The following MIR2052HG variants were observed in gnomAD, a reference collection of about 807,000 sequenced individuals.
The protein encoded by MIR2052HG is MIR2052 host gene.
At chr8:74,719,916 C>T (rs1211030280) in intron 4 of MIR2052HG, among the ~76,000 whole-genome samples, 1 of 130,234 alleles carries the variant, frequency 7.7e-6, no homozygotes, top group Non-Finnish European at 1.5e-5. Context: ...GGCATGATCT[C>T]GGCTCACTGC....
At chr8:74,670,039 T>C (rs565998263) in intron 2 of MIR2052HG, among the ~76,000 whole-genome samples, 34 of 152,300 alleles carry the variant, frequency 2.2e-4, no homozygotes, top group African/African-American at 7.9e-4. Flanking sequence ...TGTCTTTCTC[T>C]ACCACGTGAG....
At chr8:74,707,385 T>C (rs1192229467) in intron 4 of MIR2052HG, among the ~76,000 whole-genome samples, 1 of 152,096 alleles carries the variant, frequency 6.6e-6, no homozygotes, top group Non-Finnish European at 1.5e-5. Context: ...ATAAAATACA[T>C]ACAAGCAATT....
At chr8:74,636,408 T>C (rs1808581261) in intron 2 of MIR2052HG, among the ~76,000 whole-genome samples, 1 of 152,180 alleles carries the variant, frequency 6.6e-6, no homozygotes, top group Non-Finnish European at 1.5e-5. Context: ...CTGAGTTAAC[T>C]AAGTTCCATA....
Position 74,669,703 on chromosome 8 carries a change from T to G in MIR2052HG, n.217-32676T>G, listed in dbSNP as rs1586909004. On this transcript the variant is annotated intron_variant and non_coding_transcript_variant, in intron 2 of 6. Transcript: ENST00000523442. ...TTTTTCATCCCAGGGCATCTGCAATTCCTGCTTCTTGGGAGGCTTCTCTCC... is the reference window on the plus strand; with the variant it reads ...TTTTTCATCCCAGGGCATCTGCAATGCCTGCTTCTTGGGAGGCTTCTCTCC... Among the ~76,000 whole-genome samples the G allele has an allele frequency of 2.0e-5, 3 of 152,158 alleles. No individual in the cohort carries two copies. In the East Asian group the frequency reaches 5.8e-4, roughly 29 times the overall value.
chr8:74,710,986 G>T (rs746111980), intron 4 of MIR2052HG, among the ~76,000 whole-genome samples: 3 of 152,168 alleles, frequency 2.0e-5, no homozygotes, highest in Non-Finnish European at 4.4e-5. Context: ...TGCTGTCATG[G>T]ACTGCCATCA....
chr8:74,652,091 A>G (rs935790729), intron 2 of MIR2052HG, among the ~76,000 whole-genome samples: 1 of 152,182 alleles, frequency 6.6e-6, no homozygotes. Flanking sequence ...CTCCAGCAAG[A>G]GTTATATCAA....
chr8:74,712,699 C>CT (rs1290512983), intron 4 of MIR2052HG, among the ~76,000 whole-genome samples: 2 of 90,504 alleles, frequency 2.2e-5, no homozygotes, highest in African/African-American at 1.3e-4. Context: ...GCTTTTTCTG[C>CT]CTTTTTTTTT....
intron 1 of MIR2052HG, chr8:74,603,519 A>G: frequency 6.5e-7 from 1 of 1,546,438 alleles, no homozygotes; most frequent in South Asian, 1.1e-5. Flanking sequence ...TAAGTTCATG[A>G]GAAGTAGTCT....
At chr8:74,698,716 G>A (rs1341998793) in intron 2 of MIR2052HG, among the ~76,000 whole-genome samples, 1 of 152,030 alleles carries the variant, frequency 6.6e-6, no homozygotes, top group Admixed American at 6.6e-5. Flanking sequence ...TCACTCATAA[G>A]TGAGAGCTGA....
intron 2 of MIR2052HG, among the ~76,000 whole-genome samples, chr8:74,687,099 G>T (rs1007442159): frequency 6.6e-6 from 1 of 152,146 alleles, no homozygotes; most frequent in African/African-American, 2.4e-5. Flanking sequence ...ATGAAAAGAT[G>T]TTCAACATCA....
chr8:74,614,455 A>C (rs1808247556), intron 2 of MIR2052HG, among the ~76,000 whole-genome samples: 1 of 152,086 alleles, frequency 6.6e-6, no homozygotes, highest in Non-Finnish European at 1.5e-5. Flanking sequence ...TGGTGCTTTT[A>C]AATTCTCAAC....
chr8:74,736,448 A>C (rs1809745503), intron 4 of MIR2052HG, among the ~76,000 whole-genome samples: 1 of 152,160 alleles, frequency 6.6e-6, no homozygotes, highest in Admixed American at 6.5e-5. Flanking sequence ...GTAGGGAAAA[A>C]ATTTGTGCAA....
chr8:74,732,738 C>G (rs542625354), intron 4 of MIR2052HG, among the ~76,000 whole-genome samples: 1 of 152,116 alleles, frequency 6.6e-6, no homozygotes, highest in East Asian at 1.9e-4. Flanking sequence ...TGCCATGTGA[C>G]TATCAAGGGA....
At chr8:74,743,204 G>A (rs1809850538) in intron 4 of MIR2052HG, among the ~76,000 whole-genome samples, 1 of 152,064 alleles carries the variant, frequency 6.6e-6, no homozygotes, top group East Asian at 1.9e-4. Context: ...TAAATATAAT[G>A]ATTGATTTTA....
chr8:74,624,866 A>G (rs967447402), intron 2 of MIR2052HG, among the ~76,000 whole-genome samples: 7 of 152,194 alleles, frequency 4.6e-5, no homozygotes, highest in African/African-American at 1.7e-4. Flanking sequence ...ATGCAAAGGA[A>G]GGAGGAAATA....
intron 2 of MIR2052HG, chr8:74,625,141 C>G (rs1808417990): frequency 6.6e-6 from 1 of 152,106 alleles, no homozygotes. Context: ...TCACTGCAGT[C>G]TCAGATTCCT....
In MIR2052HG at chr8:74,706,783, A is replaced by G. The variant is rs562764418; in HGVS notation, n.371+3101A>G. ...TATACATGTAAAAACTGGAAAATGAATTCTTAGTATATGGACTGGACAGCT... is the reference window on the plus strand; with the variant it reads ...TATACATGTAAAAACTGGAAAATGAGTTCTTAGTATATGGACTGGACAGCT... On this transcript the variant is annotated intron_variant and non_coding_transcript_variant, in intron 4 of 6. Transcript: ENST00000523442. Among the ~76,000 whole-genome samples, 18 of 152,248 alleles carry G rather than the reference A, an allele frequency of 1.2e-4. No homozygotes were observed. In the South Asian group the frequency reaches 3.7e-3, roughly 32 times the overall value.
chr8:74,625,051 A>T (rs528452024), intron 2 of MIR2052HG, among the ~76,000 whole-genome samples: 1 of 152,126 alleles, frequency 6.6e-6, no homozygotes, highest in African/African-American at 2.4e-5. Flanking sequence ...ACCTGCTGTT[A>T]TGGAACCTGA....
At chr8:74,672,957 C>A (rs1188210034) in intron 2 of MIR2052HG, among the ~76,000 whole-genome samples, 2 of 151,936 alleles carry the variant, frequency 1.3e-5, no homozygotes, top group East Asian at 3.9e-4. Context: ...TTTTGAGCAA[C>A]ATACTTTTGG....
Sources: gnomAD v4.1 joint callset for allele counts (sites outside exome capture counted in the v4.1 genomes callset) on GRCh38, gnomAD v4.1.1 for gene constraint, MANE v1.5 for transcripts, NCBI Gene and HGNC (gene_info 2026-07-23, HGNC 2026-07-21) for gene names.